Variants in NELL2 observed in about 807,000 individuals in gnomAD.
NELL2 encodes the protein protein kinase C-binding protein NELL2.
A neutral mutation model predicts 109.6 loss-of-function variants in NELL2; 41 were observed. That is an observed-to-expected ratio of 0.37 (90% CI 0.29 to 0.49). The LOEUF (loss-of-function observed/expected upper bound fraction) is 0.49, where lower values mean the gene tolerates loss of function less well. Ranked by LOEUF, NELL2 falls within the 20% of genes least tolerant of loss-of-function variation. The pLI is 0.98. For synonymous variants in NELL2, 355 were observed against 344.7 expected (o/e 1.03, Z -0.33); for missense variants, 900 against 1,008.3 (o/e 0.89, Z 1.45).
At chr12:44,545,595 C>G (rs1397839929) in intron 15 of NELL2, among the ~76,000 whole-genome samples, 1 of 151,980 alleles carries the variant, frequency 6.6e-6, no homozygotes, top group Non-Finnish European at 1.5e-5. Flanking sequence ...CTTTAAAGCT[C>G]AGTTCAGTAA....
chr12:44,776,955 A>T (rs1362613677), intron 7 of NELL2, 87 bp downstream of exon 7: 14 of 1,149,702 alleles, frequency 1.2e-5, no homozygotes, highest in Non-Finnish European at 1.8e-5. Flanking sequence ...AAGAGCCTCG[A>T]AGGTGAAAAT....
At chr12:44,509,112 G>C (rs1940861862) in intron 19 of NELL2, 128 bp from the exon 20 acceptor site, 1 of 735,476 alleles carries the variant, frequency 1.4e-6, no homozygotes, top group South Asian at 1.8e-5. Context: ...AAAATTCAAT[G>C]GCCCAATCAC....
intron 14 of NELL2, among the ~76,000 whole-genome samples, chr12:44,608,865 C>A (rs1945503599): frequency 6.6e-6 from 1 of 150,950 alleles, no homozygotes. Context: ...ATCCCTGAAA[C>A]CTCAGACAGC....
chr12:44,685,200 G>A (rs1348305956), intron 12 of NELL2, among the ~76,000 whole-genome samples: 2 of 152,004 alleles, frequency 1.3e-5, no homozygotes, highest in African/African-American at 4.8e-5. Flanking sequence ...ATCTTTGTTG[G>A]TTTAAAGTCT....
intron 15 of NELL2, among the ~76,000 whole-genome samples, chr12:44,545,722 TC>T (rs1405869939): frequency 1.3e-5 from 2 of 152,100 alleles, no homozygotes; most frequent in African/African-American, 4.8e-5. Context: ...TACATTGTGA[TC>T]AAATATCTAC....
At chr12:44,837,721 C>G (rs548196483) in intron 2 of NELL2, among the ~76,000 whole-genome samples, 1 of 151,926 alleles carries the variant, frequency 6.6e-6, no homozygotes, top group African/African-American at 2.4e-5. Flanking sequence ...TTCATATCTG[C>G]CAGATCCTTT....
chr12:44,687,412 G>A (rs143210122), intron 12 of NELL2, among the ~76,000 whole-genome samples: 15 of 152,250 alleles, frequency 9.9e-5, no homozygotes, highest in African/African-American at 3.4e-4. Flanking sequence ...GTTCCTATTC[G>A]GCCATCTTGG....
chr12:44,777,402 CA>C, intron 5 of NELL2, 88 bp from the exon 6 acceptor site: 2 of 1,007,650 alleles, frequency 2.0e-6, no homozygotes, highest in East Asian at 4.9e-5. Context: ...GAAAATATTA[CA>C]GAACACACTC....
At chr12:44,656,315 A>G (rs1401155089) in intron 13 of NELL2, among the ~76,000 whole-genome samples, 2 of 136,270 alleles carry the variant, frequency 1.5e-5, no homozygotes, top group African/African-American at 5.5e-5. Context: ...GTAACCGTAC[A>G]TCAAGGTTTT....
In NELL2 at chr12:44,521,529, C is replaced by CAAAAAA. The variant is rs56713964; in HGVS notation, c.2175+465_2175+470dup. On this transcript the variant is annotated intron_variant, in intron 18 of 19. Transcript: ENST00000429094. ...TGGGCGACAGAGCGAGACTCCGTCT[C>CAAAAAA]AAAAAAAAAAAAAGAAGGTTGCGGT... Among the ~76,000 whole-genome samples, 55 of 111,412 alleles carry CAAAAAA rather than the reference C, an allele frequency of 4.9e-4. 1 individual carries two copies. Among genetic ancestry groups the CAAAAAA allele is most frequent in the African/African-American group, 1.9e-3 (45 of 24,300 alleles). The allele number at this position is 111,412 out of a possible 152,430, so 73.1% of individuals were successfully genotyped here.
intron 15 of NELL2, among the ~76,000 whole-genome samples, chr12:44,577,471 T>TTTG (rs1464826595): frequency 5.6e-5 from 7 of 125,004 alleles, no homozygotes; most frequent in African/African-American, 2.2e-4. Context: ...AGTAGTTTTT[T>TTTG]TTTTTTTTTT....
At chr12:44,545,833 A>C (rs1942772982) in intron 15 of NELL2, among the ~76,000 whole-genome samples, 1 of 152,112 alleles carries the variant, frequency 6.6e-6, no homozygotes, top group Admixed American at 6.6e-5. Flanking sequence ...CTCTTAATCA[A>C]GGTAAAGCCA....
chr12:44,637,732 A>G (rs929541470), intron 13 of NELL2, among the ~76,000 whole-genome samples: 2 of 151,376 alleles, frequency 1.3e-5, no homozygotes, highest in African/African-American at 4.9e-5. Flanking sequence ...AAATGCAACA[A>G]CCTCAGTTTG....
upstream of NELL2, among the ~76,000 whole-genome samples, chr12:44,914,964 C>T (rs943765733): frequency 6.6e-6 from 1 of 152,000 alleles, no homozygotes. Flanking sequence ...ATTCTCCTGC[C>T]TCAGCCTCCT....
At chr12:44,600,611 AC>A (rs910830037) in intron 15 of NELL2, among the ~76,000 whole-genome samples, 3 of 152,190 alleles carry the variant, frequency 2.0e-5, no homozygotes, top group African/African-American at 7.2e-5. Flanking sequence ...ACATGGGGGC[AC>A]CCCCCAAAAA....
intron 3 of NELL2, among the ~76,000 whole-genome samples, chr12:44,815,462 C>T (rs1943312363): frequency 6.6e-6 from 1 of 152,130 alleles, no homozygotes; most frequent in South Asian, 2.1e-4. Flanking sequence ...GAGAAATATA[C>T]CTCTTGAGGA....
At chr12:44,584,512 T>G (rs866529298) in intron 15 of NELL2, among the ~76,000 whole-genome samples, 7 of 152,250 alleles carry the variant, frequency 4.6e-5, no homozygotes, top group African/African-American at 1.7e-4. Context: ...GTGGCATTCC[T>G]ATATTATATA....
chr12:44,523,246 A>C (rs1447543906), intron 17 of NELL2, 45 bp downstream of exon 17: 1 of 1,600,718 alleles, frequency 6.2e-7, no homozygotes, highest in African/African-American at 1.3e-5. Context: ...ACATATGCAA[A>C]TTACAACTGA....
At chr12:44,811,578 A>G (rs952281272) in intron 3 of NELL2, among the ~76,000 whole-genome samples, 1 of 152,060 alleles carries the variant, frequency 6.6e-6, no homozygotes, top group Non-Finnish European at 1.5e-5. Context: ...GTGCCTGGCT[A>G]GTATTTATAC....
Sources: allele counts gnomAD v4.1 joint callset (sites outside exome capture counted in the v4.1 genomes callset), GRCh38; gene constraint gnomAD v4.1.1; transcripts MANE v1.5; gene names NCBI Gene and HGNC (gene_info 2026-07-23, HGNC 2026-07-21).